The following SEZ6L variants were observed in gnomAD, a reference collection of about 807,000 sequenced individuals.
The protein encoded by SEZ6L is seizure 6-like protein.
Under a neutral mutation model 106.2 loss-of-function variants are expected in SEZ6L, and 37 were observed. The observed-to-expected ratio is 0.35, with a 90% CI of 0.27 to 0.46. SEZ6L has a LOEUF of 0.46. Ranked by LOEUF, SEZ6L falls within the 20% of genes least tolerant of loss-of-function variation. The probability of loss-of-function intolerance (pLI) is 1.00; values close to 1 mark genes in which losing one functional copy is unlikely to be tolerated. For missense variants in SEZ6L, 1,172 were observed against 1,332.8 expected, an observed-to-expected ratio of 0.88 and a Z score of 1.88; for synonymous variants, 541 against 570.4, an observed-to-expected ratio of 0.95 and a Z score of 0.73.
intron 1 of SEZ6L, chr22:26,244,632 G>A (rs1360974298): frequency 6.6e-6 from 1 of 152,256 alleles, no homozygotes; most frequent in African/African-American, 2.4e-5. Flanking sequence ...TCTTGGAGGA[G>A]GCATCTTGAG....
chr22:26,300,218 T>C (rs1054864298), intron 5 of SEZ6L, among the ~76,000 whole-genome samples: 1 of 152,214 alleles, frequency 6.6e-6, no homozygotes, highest in East Asian at 1.9e-4. Context: ...GTTTGTTACA[T>C]ATGTATACAT....
intron 1 of SEZ6L, among the ~76,000 whole-genome samples, chr22:26,280,716 G>T (rs1230512688): frequency 6.6e-6 from 1 of 152,096 alleles, no homozygotes; most frequent in Non-Finnish European, 1.5e-5. Context: ...TTGACATAGG[G>T]TTGAACCCAA....
chr22:26,313,571 TACACACAC>T (rs56086023), intron 8 of SEZ6L, among the ~76,000 whole-genome samples, 185 bp from the exon 9 acceptor site: 2 of 103,802 alleles, frequency 1.9e-5, no homozygotes, highest in Non-Finnish European at 3.8e-5. Flanking sequence ...ATTTAATCAT[TACACACAC>T]ACACACACAC....
In SEZ6L at chr22:26,255,681, C is replaced by T. The variant is rs376329684; in HGVS notation, c.95-36725C>T. Reference sequence around the variant, plus strand: ...GGGGAAAGAGTCTTGGGGCTGTCACCTCCATGTCTACTTTCTCCAGCATAG... The same window carrying T: ...GGGGAAAGAGTCTTGGGGCTGTCACTTCCATGTCTACTTTCTCCAGCATAG... On this transcript the variant is annotated intron_variant, in intron 1 of 16. Coordinates refer to ENST00000248933, the MANE Select transcript of SEZ6L (RefSeq NM_021115.5). 4.6e-5 allele frequency among the ~76,000 whole-genome samples: 7 copies of T among 152,322 alleles called. No individual in the cohort carries two copies. In the East Asian group the frequency reaches 9.7e-4, roughly 21 times the overall value.
At chr22:26,325,068 T>C (rs879678656) in intron 9 of SEZ6L, among the ~76,000 whole-genome samples, 6 of 152,208 alleles carry the variant, frequency 3.9e-5, no homozygotes, top group Non-Finnish European at 4.4e-5. Context: ...CTCTGCTCCA[T>C]GTGCCTCTCA....
chr22:26,246,659 A>C (rs2079359133), intron 1 of SEZ6L, among the ~76,000 whole-genome samples: 1 of 152,170 alleles, frequency 6.6e-6, no homozygotes, highest in South Asian at 2.1e-4. Flanking sequence ...TTAATCCCAC[A>C]ACATTTCTCC....
intron 9 of SEZ6L, among the ~76,000 whole-genome samples, chr22:26,338,603 A>G (rs1289339034): frequency 3.9e-5 from 6 of 151,934 alleles, no homozygotes; most frequent in African/African-American, 1.4e-4. Context: ...TTCTTTGCCC[A>G]GGCTGGAGTG....
At chr22:26,251,395 C>T (rs1466430482) in intron 1 of SEZ6L, among the ~76,000 whole-genome samples, 2 of 151,076 alleles carry the variant, frequency 1.3e-5, no homozygotes, top group Non-Finnish European at 2.9e-5. Context: ...GCTTTTTCTG[C>T]AAGTCTTGAA....
intron 8 of SEZ6L, among the ~76,000 whole-genome samples, chr22:26,312,507 T>A (rs1298550674): frequency 2.0e-5 from 3 of 152,002 alleles, no homozygotes; most frequent in African/African-American, 7.3e-5. Context: ...GGAACTCATG[T>A]CTCTTTGTTC....
intron 5 of SEZ6L, among the ~76,000 whole-genome samples, chr22:26,304,390 A>AAGAAAGAAAGAAAG (rs2081563173): frequency 7.1e-6 from 1 of 140,004 alleles, no homozygotes; most frequent in East Asian, 2.0e-4. Context: ...GAAAGAAAGA[A>AAGAAAGAAAGAAAG]AGAAAGAAAG....
In SEZ6L at chr22:26,302,861, C is replaced by T. The variant is rs117184532; in HGVS notation, c.1349-3118C>T. Reference sequence around the variant, plus strand: ...AGAAGGGAAGCAGAGAAGCCGCAAACGATCAGCAGCTTGGGAGGACAGATG... The same window carrying T: ...AGAAGGGAAGCAGAGAAGCCGCAAATGATCAGCAGCTTGGGAGGACAGATG... On this transcript the variant is annotated intron_variant, in intron 5 of 16. Coordinates refer to ENST00000248933, the MANE Select transcript of SEZ6L (RefSeq NM_021115.5). Among the ~76,000 whole-genome samples the T allele has an allele frequency of 1.7e-3, 253 of 152,332 alleles. No individual in the cohort carries two copies. The East Asian group carries it at 0.02, about 12-fold the overall frequency.
chr22:26,203,290 T>A (rs1435421084), intron 1 of SEZ6L, among the ~76,000 whole-genome samples: 1 of 152,246 alleles, frequency 6.6e-6, no homozygotes, highest in Non-Finnish European at 1.5e-5. Context: ...TAGCCCTCTC[T>A]GGACCCCTCC....
chr22:26,350,795 T>C (rs1569474718), intron 11 of SEZ6L, among the ~76,000 whole-genome samples: 1 of 151,584 alleles, frequency 6.6e-6, no homozygotes, highest in East Asian at 2.0e-4. Flanking sequence ...TAGCTGGGAG[T>C]ACAGGCGCCC....
At chr22:26,354,267 T>C (rs1297783105) in intron 12 of SEZ6L, among the ~76,000 whole-genome samples, 1 of 152,152 alleles carries the variant, frequency 6.6e-6, no homozygotes, top group Non-Finnish European at 1.5e-5. Context: ...CAATGACTGG[T>C]GTCTTTGTAA....
intron 10 of SEZ6L, among the ~76,000 whole-genome samples, chr22:26,343,942 C>A (rs1168490161): frequency 1.3e-5 from 2 of 152,216 alleles, no homozygotes; most frequent in African/African-American, 2.4e-5. Flanking sequence ...TGCCTAAAGT[C>A]TATGGCAAAG....
chr22:26,214,231 G>A (rs2078237074), intron 1 of SEZ6L, among the ~76,000 whole-genome samples: 2 of 152,222 alleles, frequency 1.3e-5, no homozygotes, highest in African/African-American at 4.8e-5. Context: ...CTAGCTGTGT[G>A]TCCTAGAGCA....
Position 26,250,369 on chromosome 22 carries a change from T to G in SEZ6L, c.95-42037T>G, listed in dbSNP as rs550616507. Among the ~76,000 whole-genome samples, 5 of 152,302 alleles carry G rather than the reference T, an allele frequency of 3.3e-5. No individual in the cohort carries two copies. In the South Asian group the frequency reaches 8.3e-4, roughly 25 times the overall value. On this transcript the variant is annotated intron_variant, in intron 1 of 16. Coordinates refer to ENST00000248933, the MANE Select transcript of SEZ6L (RefSeq NM_021115.5). ...GATAAGAGATAGGGGTCTACTTTCA[T>G]TCTTCTGCATGTGGATATCCAGTTT...
At chr22:26,325,411 T>C (rs1208373701) in intron 9 of SEZ6L, among the ~76,000 whole-genome samples, 1 of 152,148 alleles carries the variant, frequency 6.6e-6, no homozygotes, top group Non-Finnish European at 1.5e-5. Flanking sequence ...ATTATCCCCA[T>C]TTTACAGACG....
At chr22:26,362,208 G>A (rs924850887) in intron 12 of SEZ6L, among the ~76,000 whole-genome samples, 1 of 152,194 alleles carries the variant, frequency 6.6e-6, no homozygotes, top group African/African-American at 2.4e-5. Flanking sequence ...ACTTAAGCAA[G>A]GCTTTGTGAT....
Sources: gnomAD v4.1 joint callset for allele counts (sites outside exome capture counted in the v4.1 genomes callset) on GRCh38, gnomAD v4.1.1 for gene constraint, MANE v1.5 for transcripts, NCBI Gene and HGNC (gene_info 2026-07-23, HGNC 2026-07-21) for gene names.